The following PROSER2 variants were observed in gnomAD, a reference collection of about 807,000 sequenced individuals.
PROSER2 encodes proline and serine-rich protein 2.
In PROSER2, 18 loss-of-function variants were observed where a neutral mutation model predicts 14.6. The ratio of observed to expected loss-of-function variants is 1.23; its 90% CI spans 0.85 to 1.83. The LOEUF (loss-of-function observed/expected upper bound fraction) is 1.83. Among genes scored for constraint, PROSER2 ranks in the 40% most tolerant of loss-of-function variants. The pLI is 0.00. For missense variants in PROSER2, 823 were observed against 629.8 expected (o/e 1.31, Z -3.28); for synonymous variants, 367 against 286.4 (o/e 1.28, Z -2.84).
intron 1 of PROSER2, among the ~76,000 whole-genome samples, chr10:11,831,440 C>G (rs927670023): frequency 6.6e-6 from 1 of 152,188 alleles, no homozygotes; most frequent in African/African-American, 2.4e-5. Context: ...ATAATTTGCT[C>G]AGGAATCCAG....
At chr10:11,864,857 G>GTGGTTAATCCTCCCACA (rs1181712594) in intron 2 of PROSER2, among the ~76,000 whole-genome samples, 1 of 152,122 alleles carries the variant, frequency 6.6e-6, no homozygotes, top group Non-Finnish European at 1.5e-5. Flanking sequence ...CCACAGTACT[G>GTGGTTAATCCTCCCACA]GGATTACAGG....
At chr10:11,827,058 G>A (rs892315853) in intron 1 of PROSER2, among the ~76,000 whole-genome samples, 1 of 151,400 alleles carries the variant, frequency 6.6e-6, no homozygotes, top group Admixed American at 6.6e-5. Context: ...CTGTGTTTTT[G>A]TGTTTTTTGT....
intron 1 of PROSER2, among the ~76,000 whole-genome samples, chr10:11,848,533 T>C (rs1368352207): frequency 1.3e-5 from 2 of 152,166 alleles, no homozygotes; most frequent in African/African-American, 4.8e-5. Flanking sequence ...CCTCACTGCT[T>C]TCAGGGCCTT....
chr10:11,840,949 A>G (rs1185584920), intron 1 of PROSER2, among the ~76,000 whole-genome samples: 1 of 37,166 alleles, frequency 2.7e-5, no homozygotes, highest in Non-Finnish European at 4.9e-5. Context: ...AAAAAAAAAA[A>G]AAAAAAATAT....
chr10:11,833,984 C>CT (rs35005102), intron 1 of PROSER2, among the ~76,000 whole-genome samples: 515 of 48,254 alleles, frequency 0.011, 44 homozygotes, highest in South Asian at 0.025. Context: ...GTAGCTCTTT[C>CT]TTTTTTTTTT....
rs949406657 is a variant in PROSER2, at chr10:11,870,064, G to A, written c.966G>A (p.Leu322=). 4.5e-5 allele frequency: 56 copies of A among 1,252,674 alleles called. No homozygotes were observed. The highest frequency in any genetic ancestry group is 5.1e-5 in the Non-Finnish European group (51 of 998,800). 77.6% of individuals were successfully genotyped at this position (1,252,674 alleles called of 1,614,324 possible). ...SPERVARGRG[L]PGPAESLRAG... The stretch of plus-strand genomic sequence containing the variant: ...AGCGGGTGGCGCGTGGCCGGGGCCT[G>A]CCGGGCCCCGCTGAGAGTCTCCGGG... The change falls in exon 4 of 4, where the codon CTG becomes CTA. Residue 322 remains leucine (L), a synonymous_variant. Coordinates refer to ENST00000277570, the MANE Select transcript of PROSER2 (RefSeq NM_153256.4).
rs1309381407 is a variant in PROSER2 at position 11,871,735 on chromosome 10, C to CAGTG, written c.*1331_*1334dup. On this transcript the variant is annotated 3_prime_UTR_variant, in exon 4 of 4. Transcript: ENST00000277570. ...AATAGACAGGAAGGGCTGCCCTGAG[C>CAGTG]AGTGACACCTTTGTGTTTTTATGTC... 2.6e-5 allele frequency: 4 copies of CAGTG among 152,206 alleles called. No homozygotes were observed. The highest frequency in any genetic ancestry group is 4.4e-5 in the Non-Finnish European group (3 of 68,036). 9.4% of individuals were successfully genotyped at this position (152,206 alleles called of 1,614,324 possible). A position where few individuals can be genotyped will look rare whatever the true frequency, so the allele number is the denominator to read the frequency against.
intron 2 of PROSER2, among the ~76,000 whole-genome samples, chr10:11,859,201 C>A (rs1002429868): frequency 6.6e-6 from 1 of 151,676 alleles, no homozygotes; most frequent in Non-Finnish European, 1.5e-5. Flanking sequence ...GCGGGTAGAT[C>A]ATTTGAGGTC....
intron 1 of PROSER2, among the ~76,000 whole-genome samples, chr10:11,845,168 C>T (rs982743276): frequency 3.3e-5 from 5 of 151,996 alleles, no homozygotes; most frequent in African/African-American, 4.8e-5. Flanking sequence ...TGCAATTTCT[C>T]GGTAGGATAA....
intron 2 of PROSER2, among the ~76,000 whole-genome samples, chr10:11,855,453 G>T (rs1216706994): frequency 2.2e-5 from 3 of 138,508 alleles, no homozygotes; most frequent in Non-Finnish European, 4.6e-5. Context: ...CATCCTGGGC[G>T]ACAGAGCAAG....
intron 2 of PROSER2, among the ~76,000 whole-genome samples, chr10:11,860,014 C>G (rs1359899915): frequency 6.6e-6 from 1 of 152,198 alleles, no homozygotes; most frequent in Admixed American, 6.5e-5. Context: ...AGGCCCTGAT[C>G]CCTTCCCCAC....
At chr10:11,832,891 A>G (rs1833706558) in intron 1 of PROSER2, among the ~76,000 whole-genome samples, 1 of 151,994 alleles carries the variant, frequency 6.6e-6, no homozygotes, top group South Asian at 2.1e-4. Flanking sequence ...CACCCAGGCT[A>G]GAGTGCAGTG....
In PROSER2 at chr10:11,869,664, G is replaced by T. The variant is rs1280113565; in HGVS notation, c.566G>T (p.Arg189Leu). 1 of 1,600,858 alleles carries T rather than the reference G, an allele frequency of 6.2e-7. No homozygotes were observed. Among genetic ancestry groups the T allele is most frequent in the Non-Finnish European group, 8.5e-7 (1 of 1,174,146 alleles). The change falls in exon 4 of 4, where the codon CGC becomes CTC. Residue 189 changes from arginine to leucine, a missense_variant. Physicochemically the swap from Arg to Leu is moderately radical, Grantham distance 102. Coordinates refer to ENST00000277570, the MANE Select transcript of PROSER2 (RefSeq NM_153256.4). This position sits in a 1 kb window ranked among gnomAD's most constrained non-coding sequence, Gnocchi z 4.4. ...CCGGTGGAGCACCCCAGACTCCTGC[G>T]CTCTGTTCCCACGCCCCTCGTTATG... ...SPPVEHPRLL[R>L]SVPTPLVMAQ...
chr10:11,836,398 T>C lies in PROSER2; in HGVS notation c.-82+12928T>C, dbSNP rs1223175025. 6.6e-6 allele frequency among the ~76,000 whole-genome samples: 1 copy of C among 152,082 alleles called. No homozygotes were observed. Among genetic ancestry groups the C allele is most frequent in the Non-Finnish European group, 1.5e-5 (1 of 68,004 alleles). ...TTTTGGTAGAGATGGGGTTTCACCA[T>C]GTTAGCCAGGCTGGTCTCGATCTCC... On this transcript the variant is annotated intron_variant, in intron 1 of 3. Transcript: ENST00000277570. The surrounding 1 kb of genome is among the most constrained non-coding windows in gnomAD (Gnocchi z 4.6).
At chr10:11,825,274 T>G (rs1189156175) in intron 1 of PROSER2, among the ~76,000 whole-genome samples, 2 of 152,234 alleles carry the variant, frequency 1.3e-5, no homozygotes, top group Non-Finnish European at 2.9e-5. Flanking sequence ...CAAGTGCATC[T>G]TATCTGCAGT....
rs6602545 is a variant in PROSER2 at position 11,863,215 on chromosome 10, A to G, written c.139-3316A>G. 4.1e-4 allele frequency among the ~76,000 whole-genome samples: 62 copies of G among 152,252 alleles called. 1 individual carries two copies. The highest frequency in any genetic ancestry group is 1.4e-3 in the African/African-American group (58 of 41,558). On this transcript the variant is annotated intron_variant, in intron 2 of 3. Coordinates refer to ENST00000277570, the MANE Select transcript of PROSER2 (RefSeq NM_153256.4). ...TTCATCCCCAAAACAACAGTGTACT[A>G]TGCTTTCAACTATAGTCTCTGAAAT...
rs1327020369 is a variant in PROSER2 at position 11,827,793 on chromosome 10, C to A, written c.-82+4323C>A. Among the ~76,000 whole-genome samples, 5 of 152,148 alleles carry A rather than the reference C, an allele frequency of 3.3e-5. No homozygotes were observed. The East Asian group carries it at 7.7e-4, about 24-fold the overall frequency. The stretch of plus-strand genomic sequence containing the variant: ...TCCCAGGCTCAGATGATCCTCCCCC[C>A]TCAGCCTCCAGAGTAGCTGGGACTA... On this transcript the variant is annotated intron_variant, in intron 1 of 3. Transcript: ENST00000277570.
At chr10:11,867,187 C>G (rs1158727447) in intron 3 of PROSER2, among the ~76,000 whole-genome samples, 1 of 144,668 alleles carries the variant, frequency 6.9e-6, no homozygotes, top group Non-Finnish European at 1.5e-5. Flanking sequence ...ATGGCGTGAA[C>G]CCGGGAGGCA....
chr10:11,840,307 A>T (rs72768221), intron 1 of PROSER2, among the ~76,000 whole-genome samples: 15,781 of 151,948 alleles, frequency 0.1, 1,087 homozygotes, highest in Non-Finnish European at 0.15. Flanking sequence ...GTTAACAAAA[A>T]AATTCCTCCT....
Sources: allele counts gnomAD v4.1 joint callset (sites outside exome capture counted in the v4.1 genomes callset), GRCh38; gene constraint gnomAD v4.1.1; non-coding constraint Gnocchi (gnomAD v3.1); transcripts MANE v1.5; gene names NCBI Gene and HGNC (gene_info 2026-07-23, HGNC 2026-07-21).